UNKL: variants seen among roughly 807,000 people sequenced by gnomAD.
UNKL encodes the protein unk like zinc finger.
In UNKL, 60 loss-of-function variants were observed where a neutral mutation model predicts 78.0. The ratio of observed to expected loss-of-function variants is 0.77; its 90% CI spans 0.63 to 0.95. UNKL has a LOEUF of 0.95. Ranked by LOEUF, UNKL falls within the 40% of genes least tolerant of loss-of-function variation. The probability of loss-of-function intolerance (pLI) is 0.00; values close to 1 mark genes in which losing one functional copy is unlikely to be tolerated. For missense variants in UNKL, 1,159 were observed against 1,045.7 expected (o/e 1.11, Z -1.49); for synonymous variants, 608 against 474.8 (o/e 1.28, Z -3.65).
intron 12 of UNKL, among the ~76,000 whole-genome samples, chr16:1,368,519 G>T (rs570292223): frequency 7.0e-6 from 1 of 142,632 alleles, no homozygotes; most frequent in Admixed American, 7.4e-5. Context: ...GGAGAATGGC[G>T]TGAACCCGGG....
intron 10 of UNKL, among the ~76,000 whole-genome samples, chr16:1,378,027 G>T (rs552018967): frequency 6.6e-4 from 101 of 152,258 alleles, no homozygotes; most frequent in African/African-American, 2.3e-3. Flanking sequence ...CTTCCCAATG[G>T]GTCCTTTGCC....
chr16:1,375,772 T>C (rs932495943), intron 10 of UNKL, among the ~76,000 whole-genome samples: 1 of 152,144 alleles, frequency 6.6e-6, no homozygotes, highest in Non-Finnish European at 1.5e-5. Context: ...AAGGCAGGCC[T>C]TGGGCCAGCC....
rs1433798388 is a variant in UNKL, at chr16:1,387,189, TG to T, written c.1087-1805del. ...GCAGCACCGGGGACCCTCCCAGCCA[TG>T]CAACACCGGGGACACTCCCAGCCAT... On this transcript the variant is annotated intron_variant, in intron 9 of 14. Coordinates refer to ENST00000389221, the MANE Select transcript of UNKL (RefSeq NM_001372107.1). The surrounding 1 kb of genome is among the most constrained non-coding windows in gnomAD (Gnocchi z 4.1). Among the ~76,000 whole-genome samples the T allele has an allele frequency of 6.6e-6, 1 of 151,010 alleles. No individual in the cohort carries two copies. Among genetic ancestry groups the T allele is most frequent in the Non-Finnish European group, 1.5e-5 (1 of 67,834 alleles).
intron 9 of UNKL, among the ~76,000 whole-genome samples, chr16:1,386,024 G>C (rs1482693945): frequency 6.6e-6 from 1 of 152,262 alleles, no homozygotes; most frequent in African/African-American, 2.4e-5. Flanking sequence ...CCAGTAACGG[G>C]GAGGGTGCTG....
chr16:1,408,001 A>T (rs1385726198), intron 2 of UNKL, among the ~76,000 whole-genome samples: 1 of 151,820 alleles, frequency 6.6e-6, no homozygotes, highest in Non-Finnish European at 1.5e-5. Flanking sequence ...GGTACTCCGG[A>T]GGCTGAGGCA....
In UNKL at chr16:1,363,550, CA is replaced by C. The variant is rs899142213; in HGVS notation, c.*2689del. 3.0e-5 allele frequency: 7 copies of C among 236,860 alleles called. No homozygotes were observed. The highest frequency in any genetic ancestry group is 6.0e-5 in the Non-Finnish European group (7 of 117,482). The allele number at this position is 236,860 out of a possible 1,614,324, so 14.7% of individuals were successfully genotyped here. ...AGTTACAGACGACAGGCAACAAGAA[CA>C]TGCAGAGCCGGCCGCCAGCCAGCTC... On this transcript the variant is annotated 3_prime_UTR_variant, in exon 15 of 15. Coordinates refer to ENST00000389221, the MANE Select transcript of UNKL (RefSeq NM_001372107.1).
In UNKL at chr16:1,401,679, A is replaced by G. The variant is rs1177457096; in HGVS notation, c.487T>C (p.Leu163=). 2 of 1,611,634 alleles carry G rather than the reference A, an allele frequency of 1.2e-6. No homozygotes were observed. The highest frequency in any genetic ancestry group is 2.7e-5 in the African/African-American group (2 of 74,976). Residue 163 remains leucine (L), a synonymous_variant, in exon 4 of 15, where the codon TTG becomes CTG. Transcript: ENST00000389221. Reference sequence around the variant, plus strand: ...CCGCCGCCCAGCTGGCCGTTCTGCAAGGCTTCCTGGGCCTGCAGCTCCCTG... The same window carrying G: ...CCGCCGCCCAGCTGGCCGTTCTGCAGGGCTTCCTGGGCCTGCAGCTCCCTG... ...DVRELQAQEA[L]QNGQLGGGEG...
chr16:1,367,950 G>A (rs547870676), intron 12 of UNKL, 92 bp from the exon 13 acceptor site: 13 of 1,207,082 alleles, frequency 1.1e-5, no homozygotes, highest in Admixed American at 4.5e-5. Flanking sequence ...CCACCGCTAC[G>A]TGGGCACCCT....
intron 10 of UNKL, among the ~76,000 whole-genome samples, chr16:1,374,169 A>T (rs12931237): frequency 2.8e-5 from 4 of 144,448 alleles, no homozygotes; most frequent in African/African-American, 7.8e-5. Flanking sequence ...ACTGCCGGCC[A>T]ACACCGCACA....
rs1162798972 is a variant in UNKL at position 1,367,428 on chromosome 16, T to TCCTCC, written c.1789-84_1789-80dup. 250 of 1,451,010 alleles carry TCCTCC rather than the reference T, an allele frequency of 1.7e-4. 1 individual carries two copies. In the East Asian group the frequency reaches 5.0e-3, roughly 29 times the overall value. The allele number at this position is 1,451,010 out of a possible 1,614,324, so 89.9% of individuals were successfully genotyped here. A position where few individuals can be genotyped will look rare whatever the true frequency, so the allele number is the denominator to read the frequency against. Reference sequence around the variant, plus strand: ...ACCCTCTTGCCTGTGTCACCAGCGATCCTCCCCTCCCCTCCCCAGCATCAG... The same window carrying TCCTCC: ...ACCCTCTTGCCTGTGTCACCAGCGATCCTCCCCTCCCCTCCCCTCCCCAGCATCAG... On this transcript the variant is annotated intron_variant, in intron 13 of 14. Coordinates refer to ENST00000389221, the MANE Select transcript of UNKL (RefSeq NM_001372107.1).
In UNKL at chr16:1,385,280, TG is replaced by T; in HGVS notation, c.1191del (p.Thr398LeufsTer28). ...ASSAGSGSSS[P>X]TALPAPPARA... ...CGGGCGGGGGGCGCGGGCAGCGCAG[TG>T]GGGGAGGAGCTGCCGGAGCCGGCGC... is the stretch of plus-strand genomic sequence containing the variant. On this transcript the variant is annotated frameshift_variant, in exon 10 of 15. Transcript: ENST00000389221. LOFTEE classifies it high-confidence loss of function. 7.3e-7 allele frequency: 1 copy of T among 1,360,932 alleles called. No individual in the cohort carries two copies. The highest frequency in any genetic ancestry group is 1.7e-5 in the South Asian group (1 of 57,706). 84.3% of individuals were successfully genotyped at this position (1,360,932 alleles called of 1,614,324 possible).
At chr16:1,390,121 G>T (rs183431340) in intron 9 of UNKL, among the ~76,000 whole-genome samples, 155 of 152,222 alleles carry the variant, frequency 1.0e-3, no homozygotes, top group Non-Finnish European at 1.7e-3. Flanking sequence ...CGAGTAGCTG[G>T]GACTACAGGC....
chr16:1,366,897 C>T (rs1221006339), intron 14 of UNKL, among the ~76,000 whole-genome samples, 195 bp downstream of exon 14: 1 of 152,148 alleles, frequency 6.6e-6, no homozygotes, highest in Non-Finnish European at 1.5e-5. Context: ...ACAGGAAAGG[C>T]GGCTCCCAGG....
rs534824802 is a variant in UNKL, at chr16:1,383,621, C to T, written c.1264+1587G>A. The T allele has an allele frequency of 3.4e-4, 135 of 393,906 alleles. 1 individual carries two copies. The highest frequency in any genetic ancestry group is 2.3e-3 in the Admixed American group (80 of 34,692). The allele number at this position is 393,906 out of a possible 1,614,324, so 24.4% of individuals were successfully genotyped here. A position where few individuals can be genotyped will look rare whatever the true frequency, so the allele number is the denominator to read the frequency against. ...TCTCCTCGGCCTCCTTGGCCGGCATCGTCTAGGAGTTGCTGGGGGCTTGCA... is the reference window on the plus strand; with the variant it reads ...TCTCCTCGGCCTCCTTGGCCGGCATTGTCTAGGAGTTGCTGGGGGCTTGCA... On this transcript the variant is annotated intron_variant, in intron 10 of 14. Coordinates refer to ENST00000389221, the MANE Select transcript of UNKL (RefSeq NM_001372107.1).
intron 6 of UNKL, chr16:1,395,932 T>TC (rs931070638): frequency 8.4e-5 from 31 of 366,924 alleles, no homozygotes; most frequent in Middle Eastern, 3.8e-4. Context: ...CCTGCACGCC[T>TC]CCCCCTTGGC....
rs559190419 is a variant in UNKL, at chr16:1,391,710, C to CA, written c.1024-1017dup. The stretch of plus-strand genomic sequence containing the variant: ...TTTTCTTTTCATTTTTTTTCTGAGA[C>CA]AAAGTCTCACTCTGTCATCCAGGCT... On this transcript the variant is annotated intron_variant, in intron 8 of 14. Coordinates refer to ENST00000389221, the MANE Select transcript of UNKL (RefSeq NM_001372107.1). Among the ~76,000 whole-genome samples the CA allele has an allele frequency of 1.7e-3, 258 of 152,122 alleles. 3 individuals are homozygous for CA. The highest frequency in any genetic ancestry group is 5.4e-3 in the African/African-American group (223 of 41,468).
At chr16:1,368,108 G>A (rs2141928854) in intron 12 of UNKL, 1 of 565,648 alleles carries the variant, frequency 1.8e-6, no homozygotes, top group South Asian at 2.1e-5. Context: ...CTGGCCACCT[G>A]AGGAGTCTAA....
At position 1,367,352 on chromosome 16, in the gene UNKL, G is replaced by A. The variant is rs774851218; in HGVS notation, c.1789-3C>T. On this transcript the variant is annotated splice_region_variant and splice_polypyrimidine_tract_variant and intron_variant, in intron 13 of 14. Transcript: ENST00000389221. Reference sequence around the variant, plus strand: ...TCTCGCTGCCAGGCATCGCAGACCTGAAACCCAGGGCCCGTCTCAGCACCC... The same window carrying A: ...TCTCGCTGCCAGGCATCGCAGACCTAAAACCCAGGGCCCGTCTCAGCACCC... The A allele has an allele frequency of 1.9e-6, 3 of 1,538,634 alleles. No individual in the cohort carries two copies. In the East Asian group the frequency reaches 7.3e-5, roughly 37 times the overall value.
chr16:1,376,002 A>G (rs1187035188), intron 10 of UNKL, among the ~76,000 whole-genome samples: 1 of 152,192 alleles, frequency 6.6e-6, no homozygotes, highest in Non-Finnish European at 1.5e-5. Flanking sequence ...AGGACCACGC[A>G]CTGAGCGGCC....
Sources: allele counts gnomAD v4.1 joint callset (sites outside exome capture counted in the v4.1 genomes callset), GRCh38; gene constraint gnomAD v4.1.1; non-coding constraint Gnocchi (gnomAD v3.1); transcripts MANE v1.5; gene names NCBI Gene and HGNC (gene_info 2026-07-23, HGNC 2026-07-21).